COL5A2: variants seen among roughly 807,000 people sequenced by gnomAD.
The protein encoded by COL5A2 is collagen type V alpha 2 chain, also known as collagen alpha-2(V) chain.
A neutral mutation model predicts 208.2 loss-of-function variants in COL5A2; 23 were observed. That is an observed-to-expected ratio of 0.11 (90% CI 0.08 to 0.16). The LOEUF (loss-of-function observed/expected upper bound fraction) is 0.16. COL5A2 is among the 10% of genes least tolerant of loss of function. COL5A2 has a pLI of 1.00. For missense variants in COL5A2, 1,590 were observed against 1,956.4 expected (o/e 0.81, Z 3.53); for synonymous variants, 625 against 628.5 (o/e 0.99, Z 0.08).
chr2:189,111,797 C>A (rs1392435475), intron 1 of COL5A2, among the ~76,000 whole-genome samples: 1 of 151,776 alleles, frequency 6.6e-6, no homozygotes, highest in Non-Finnish European at 1.5e-5. Context: ...TAGTTTATCT[C>A]CCTCACTAGA....
the COL5A2 span, among the ~76,000 whole-genome samples, chr2:189,387,241 A>C: frequency 6.6e-6 from 1 of 152,154 alleles, no homozygotes; most frequent in East Asian, 1.9e-4. Flanking sequence ...AAATGTTCTC[A>C]TTTACAAGTG....
At chr2:189,238,135 T>C in the COL5A2 span, among the ~76,000 whole-genome samples, 1 of 149,960 alleles carries the variant, frequency 6.7e-6, no homozygotes, top group South Asian at 2.1e-4. Flanking sequence ...GCTATGTTTC[T>C]CCTCTTCTGT....
chr2:189,154,923 G>A (rs1388494840), intron 1 of COL5A2, among the ~76,000 whole-genome samples: 1 of 152,098 alleles, frequency 6.6e-6, no homozygotes, highest in African/African-American at 2.4e-5. Context: ...TAAATTAGTG[G>A]TTATGAGTAC....
chr2:189,098,731 G>C lies in COL5A2; in HGVS notation c.398C>G (p.Pro133Arg), dbSNP rs374225489. ...VVTGIRGRPG[P>R]AGPPGSQGPR... ...ATATTGGGAGAAACTACTTACTGCC[G>C]GTCCTGGACGACCACGTATGCCTGT... Residue 133 changes from proline to arginine, a missense_variant, in exon 5 of 54, where the codon CCG (proline) becomes CGG (arginine). Coordinates refer to ENST00000374866, the MANE Select transcript of COL5A2 (RefSeq NM_000393.5). The C allele has an allele frequency of 4.3e-6, 7 of 1,612,436 alleles. No individual in the cohort carries two copies. The East Asian group carries it at 1.6e-4, about 36-fold the overall frequency.
intron 21 of COL5A2, 79 bp downstream of exon 21, chr2:189,067,936 C>T (rs1686188047): frequency 8.8e-7 from 1 of 1,140,448 alleles, no homozygotes; most frequent in African/African-American, 1.5e-5. Context: ...TGTTTCATTG[C>T]ATCACATGAC....
intron 1 of COL5A2, among the ~76,000 whole-genome samples, chr2:189,113,710 G>C (rs900013873): frequency 6.7e-6 from 1 of 149,290 alleles, no homozygotes; most frequent in Non-Finnish European, 1.5e-5. Flanking sequence ...TTTATAAAAT[G>C]AATTATTATA....
chr2:189,311,100 T>C, the COL5A2 span, among the ~76,000 whole-genome samples: 1 of 152,112 alleles, frequency 6.6e-6, no homozygotes, highest in Non-Finnish European at 1.5e-5. Flanking sequence ...TCCTAGGGAA[T>C]TGTTTACCAG....
At chr2:189,320,724 C>A in the COL5A2 span, among the ~76,000 whole-genome samples, 1 of 152,168 alleles carries the variant, frequency 6.6e-6, no homozygotes, top group Non-Finnish European at 1.5e-5. Flanking sequence ...AGAATGGAAC[C>A]AAGTTGGAAA....
chr2:189,173,671 G>T (rs1029315787), intron 1 of COL5A2, among the ~76,000 whole-genome samples: 8 of 152,162 alleles, frequency 5.3e-5, no homozygotes, highest in African/African-American at 1.9e-4. Flanking sequence ...TACTCAAGCT[G>T]TGACTTTTAG....
In COL5A2 at chr2:189,035,095, G is replaced by T. The variant is rs748999143; in HGVS notation, c.4174C>A (p.Leu1392Ile). ...TTCTGGGAGGCTTCTTTTGATAAAAGGCGCAAAAAAGTCATCTGAGTAATG... is the reference window on the plus strand; with the variant it reads ...TTCTGGGAGGCTTCTTTTGATAAAATGCGCAAAAAAGTCATCTGAGTAATG... ...TAITQMTFLR[L>I]LSKEASQNIT... Residue 1392 changes from leucine to isoleucine, a missense_variant, in exon 53 of 54, where the codon CTT (leucine) becomes ATT (isoleucine). Transcript: ENST00000374866. 1 of 1,613,794 alleles carries T rather than the reference G, an allele frequency of 6.2e-7. No individual in the cohort carries two copies. The highest frequency in any genetic ancestry group is 1.1e-5 in the South Asian group (1 of 91,070).
chr2:189,418,581 G>C, the COL5A2 span, among the ~76,000 whole-genome samples: 1 of 152,196 alleles, frequency 6.6e-6, no homozygotes, highest in Non-Finnish European at 1.5e-5. Flanking sequence ...TGGACACGAA[G>C]TCCATTTTCC....
intron 23 of COL5A2, 73 bp downstream of exon 23, chr2:189,066,317 T>A (rs1161283191): frequency 7.4e-7 from 1 of 1,348,446 alleles, no homozygotes; most frequent in Non-Finnish European, 1.1e-6. Flanking sequence ...GTTCTAGTTT[T>A]CCTTACTGTT....
chr2:189,062,816 A>G (rs751754783), intron 29 of COL5A2, 49 bp downstream of exon 29: 15 of 1,604,736 alleles, frequency 9.3e-6, no homozygotes, highest in African/African-American at 8.0e-5. Context: ...AAAAAATGCA[A>G]TGTGTGTATA....
At chr2:189,387,338 A>T in the COL5A2 span, among the ~76,000 whole-genome samples, 1 of 152,146 alleles carries the variant, frequency 6.6e-6, no homozygotes, top group African/African-American at 2.4e-5. Flanking sequence ...AATGGGAGCA[A>T]GGGCTGAAAA....
the COL5A2 span, among the ~76,000 whole-genome samples, chr2:189,384,789 T>C: frequency 2.6e-5 from 4 of 152,152 alleles, no homozygotes; most frequent in African/African-American, 9.6e-5. Flanking sequence ...TTGTTGCCTG[T>C]GCTTTTGAGG....
chr2:189,203,909 T>TG (rs1479149304), intron 1 of COL5A2, among the ~76,000 whole-genome samples: 1 of 151,990 alleles, frequency 6.6e-6, no homozygotes, highest in Non-Finnish European at 1.5e-5. Flanking sequence ...TTTTTTTTTT[T>TG]TCTTTTGAGA....
At chr2:189,103,256 T>A (rs1687081896) in intron 3 of COL5A2, among the ~76,000 whole-genome samples, 1 of 152,078 alleles carries the variant, frequency 6.6e-6, no homozygotes, top group African/African-American at 2.4e-5. Flanking sequence ...TTGCAGCCCT[T>A]CTCCTTTGAC....
the COL5A2 span, among the ~76,000 whole-genome samples, chr2:189,299,583 T>C: frequency 1.2e-3 from 190 of 152,324 alleles, no homozygotes; most frequent in African/African-American, 4.4e-3. Flanking sequence ...TGAAATATGA[T>C]GGGTGTCTGT....
chr2:189,314,912 C>T, the COL5A2 span, among the ~76,000 whole-genome samples: 7 of 152,094 alleles, frequency 4.6e-5, no homozygotes, highest in South Asian at 2.1e-4. Flanking sequence ...AGACTAATAA[C>T]GAGTTCTGAA....
Sources: allele counts gnomAD v4.1 joint callset (sites outside exome capture counted in the v4.1 genomes callset), GRCh38; gene constraint gnomAD v4.1.1; transcripts MANE v1.5; gene names NCBI Gene and HGNC (gene_info 2026-07-23, HGNC 2026-07-21).